Variants in AGPAT3 observed in about 807,000 individuals in gnomAD.
The protein encoded by AGPAT3 is 1-acyl-sn-glycerol-3-phosphate acyltransferase gamma.
A neutral mutation model predicts 47.3 loss-of-function variants in AGPAT3; 5 were observed. That is an observed-to-expected ratio of 0.11 (90% CI 0.06 to 0.22). The LOEUF (loss-of-function observed/expected upper bound fraction) is 0.22, where lower values mean the gene tolerates loss of function less well. Among genes scored for constraint, AGPAT3 ranks in the 10% least tolerant of loss-of-function variants. The pLI, the probability that AGPAT3 is intolerant of heterozygous loss-of-function variation, is 1.00. For missense variants in AGPAT3, 315 were observed against 493.0 expected (o/e 0.64, Z 3.42); for synonymous variants, 212 against 208.3 (o/e 1.02, Z -0.15).
At chr21:43,906,685 C>A (rs985422113) in intron 2 of AGPAT3, among the ~76,000 whole-genome samples, 1 of 152,370 alleles carries the variant, frequency 6.6e-6, no homozygotes, top group African/African-American at 2.4e-5. Context: ...CCCAGCAGCT[C>A]TGCTCTGAGG....
chr21:43,938,427 C>A (rs1285318134), intron 2 of AGPAT3, among the ~76,000 whole-genome samples: 1 of 149,182 alleles, frequency 6.7e-6, no homozygotes, highest in Non-Finnish European at 1.5e-5. Flanking sequence ...CCTGCCTCAG[C>A]CTCCTGAGAA....
Position 43,954,189 on chromosome 21 carries a change from A to G in AGPAT3, c.-48-5445A>G, listed in dbSNP as rs1365950457. Among the ~76,000 whole-genome samples the G allele has an allele frequency of 6.6e-6, 1 of 152,082 alleles. No homozygotes were observed. The highest frequency in any genetic ancestry group is 1.5e-5 in the Non-Finnish European group (1 of 68,004). On this transcript the variant is annotated intron_variant, in intron 2 of 9. Transcript: ENST00000291572. This position sits in a 1 kb window ranked among gnomAD's most constrained non-coding sequence, Gnocchi z 4.0. ...AAGGACTTTGAAGCTGGAGGCGGGG[A>G]CCGGTGTGGCCAAGCAGGGCACCTT...
rs1569117296 is a variant in AGPAT3, at chr21:43,985,581, C to CA, written c.*3189_*3190insA. On this transcript the variant is annotated 3_prime_UTR_variant, in exon 10 of 10. Transcript: ENST00000291572. ...TGGACCCAGCTGTGTGTTTCACTCA[C>CA]GTGCAATTGAGTAGCTGTTGCCAGG... 3.9e-6 allele frequency: 1 copy of CA among 256,194 alleles called. No individual in the cohort carries two copies. The highest frequency in any genetic ancestry group is 7.7e-6 in the Non-Finnish European group (1 of 130,278). 15.9% of individuals were successfully genotyped at this position (256,194 alleles called of 1,614,324 possible). A position where few individuals can be genotyped will look rare whatever the true frequency, so the allele number is the denominator to read the frequency against.
chr21:43,969,413 C>A, intron 5 of AGPAT3, 134 bp downstream of exon 5: 2 of 1,136,568 alleles, frequency 1.8e-6, no homozygotes, highest in Non-Finnish European at 1.2e-6. Context: ...TTCCATGGGG[C>A]CATGACTCCC....
At chr21:43,882,019 G>A (rs1463044400) in intron 1 of AGPAT3, among the ~76,000 whole-genome samples, 1 of 152,264 alleles carries the variant, frequency 6.6e-6, no homozygotes, top group Admixed American at 6.5e-5. Flanking sequence ...GCAATGTAAA[G>A]TTGCACACAG....
chr21:43,900,302 T>C (rs2086320717), intron 1 of AGPAT3, among the ~76,000 whole-genome samples: 1 of 152,168 alleles, frequency 6.6e-6, no homozygotes, highest in Admixed American at 6.5e-5. Context: ...CTTCTAGCCA[T>C]GGTGGAAGAT....
chr21:43,918,193 G>GGGTTGTGGAGGTTGTGGGTGTTGCGGC (rs1569063643), intron 2 of AGPAT3, among the ~76,000 whole-genome samples: 1 of 82,358 alleles, frequency 1.2e-5, no homozygotes, highest in Non-Finnish European at 3.3e-5. Context: ...TGTGGGTGTT[G>GGGTTGTGGAGGTTGTGGGTGTTGCGGC]GGTTGTGGAG....
intron 1 of AGPAT3, among the ~76,000 whole-genome samples, chr21:43,887,636 G>C (rs764365618): frequency 8.5e-5 from 13 of 152,178 alleles, no homozygotes; most frequent in Non-Finnish European, 1.5e-4. Context: ...TTCTAATATA[G>C]GTAGTTGTAT....
chr21:43,933,637 C>T lies in AGPAT3; in HGVS notation c.-48-25997C>T, dbSNP rs1393566194. 1.3e-5 allele frequency among the ~76,000 whole-genome samples: 2 copies of T among 151,906 alleles called. No homozygotes were observed. The highest frequency in any genetic ancestry group is 3.2e-3 in the Middle Eastern group (1 of 316). ...AGGAAACTGAGGCACAGCTTGGAAG[C>T]GGTTGGCACTGGGGTTAGGCTCCAG... On this transcript the variant is annotated intron_variant, in intron 2 of 9. Coordinates refer to ENST00000291572, the MANE Select transcript of AGPAT3 (RefSeq NM_020132.5). The surrounding 1 kb of genome is among the most constrained non-coding windows in gnomAD (Gnocchi z 6.0).
Position 43,955,043 on chromosome 21 carries a change from CT to C in AGPAT3, c.-48-4590del. ...GCTGGGACGTGAATGTGCATCACGG[CT>C]CTATCTGTGGCCCCCAAAGGCTGGG... On this transcript the variant is annotated intron_variant, in intron 2 of 9. Transcript: ENST00000291572. This position sits in a 1 kb window ranked among gnomAD's most constrained non-coding sequence, Gnocchi z 4.1. The C allele has an allele frequency of 1.2e-5, 14 of 1,209,158 alleles. No homozygotes were observed. Among genetic ancestry groups the C allele is most frequent in the Non-Finnish European group, 1.5e-5 (14 of 941,612 alleles). The allele number at this position is 1,209,158 out of a possible 1,614,324, so 74.9% of individuals were successfully genotyped here.
At chr21:43,882,780 C>T (rs769767956) in intron 1 of AGPAT3, among the ~76,000 whole-genome samples, 7 of 152,228 alleles carry the variant, frequency 4.6e-5, no homozygotes, top group Non-Finnish European at 7.3e-5. Flanking sequence ...CCTCCAGCCA[C>T]GGGTGCCCTG....
intron 3 of AGPAT3, chr21:43,967,592 A>C: frequency 4.6e-6 from 1 of 215,060 alleles, no homozygotes; most frequent in Non-Finnish European, 9.3e-6. Flanking sequence ...TCTGCTTCCT[A>C]ATCATCTAGT....
In AGPAT3 at chr21:43,908,451, T is replaced by C. The variant is rs2086554568; in HGVS notation, c.-49+4432T>C. On this transcript the variant is annotated intron_variant, in intron 2 of 9. Transcript: ENST00000291572. The surrounding 1 kb of genome is among the most constrained non-coding windows in gnomAD (Gnocchi z 4.9). ...CTGGGAACTTGTGGAACCCGGTGTGTATGACTCGCTCCGTGATTCATAACA... is the reference window on the plus strand; with the variant it reads ...CTGGGAACTTGTGGAACCCGGTGTGCATGACTCGCTCCGTGATTCATAACA... Among the ~76,000 whole-genome samples, 2 of 152,198 alleles carry C rather than the reference T, an allele frequency of 1.3e-5. No homozygotes were observed. Among genetic ancestry groups the C allele is most frequent in the South Asian group, 4.1e-4 (2 of 4,826 alleles).
intron 2 of AGPAT3, among the ~76,000 whole-genome samples, chr21:43,940,487 C>T (rs926278204): frequency 6.6e-6 from 1 of 152,200 alleles, no homozygotes; most frequent in Non-Finnish European, 1.5e-5. Context: ...CAGGGGATGG[C>T]AGGAACTCAT....
At chr21:43,879,326 C>T (rs925837321) in intron 1 of AGPAT3, among the ~76,000 whole-genome samples, 9 of 103,936 alleles carry the variant, frequency 8.7e-5, no homozygotes, top group African/African-American at 3.4e-4. Context: ...CTCCAGCCTA[C>T]AACAGAGTGA....
At chr21:43,891,258 G>A (rs2086097432) in intron 1 of AGPAT3, among the ~76,000 whole-genome samples, 1 of 152,276 alleles carries the variant, frequency 6.6e-6, no homozygotes, top group Admixed American at 6.5e-5. Flanking sequence ...CTGGATCTTT[G>A]TTGTTATTTC....
chr21:43,965,337 AGT>A (rs1232903047), intron 3 of AGPAT3: 1 of 152,278 alleles, frequency 6.6e-6, no homozygotes, highest in East Asian at 1.9e-4. Context: ...ACTCACTGCC[AGT>A]GTGTCTCTGC....
chr21:43,899,713 C>T (rs2099333690), intron 1 of AGPAT3, among the ~76,000 whole-genome samples: 1 of 152,190 alleles, frequency 6.6e-6, no homozygotes, highest in African/African-American at 2.4e-5. Context: ...CACTGGTCCC[C>T]CAGGAGGCTT....
chr21:43,903,733 T>C (rs1180072959), intron 1 of AGPAT3, among the ~76,000 whole-genome samples: 1 of 152,238 alleles, frequency 6.6e-6, no homozygotes, highest in Non-Finnish European at 1.5e-5. Context: ...TTGGGCCTCC[T>C]GGCCAGGCAG....
Sources: gnomAD v4.1 joint callset for allele counts (sites outside exome capture counted in the v4.1 genomes callset) on GRCh38, gnomAD v4.1.1 for gene constraint, Gnocchi (gnomAD v3.1) non-coding constraint, MANE v1.5 for transcripts, NCBI Gene and HGNC (gene_info 2026-07-23, HGNC 2026-07-21) for gene names.